The following MKLN1 variants were observed in gnomAD, a reference collection of about 807,000 sequenced individuals.
MKLN1 encodes muskelin.
A neutral mutation model predicts 99.0 loss-of-function variants in MKLN1; 18 were observed. The observed-to-expected ratio is 0.18, with a 90% CI of 0.13 to 0.27. The LOEUF (loss-of-function observed/expected upper bound fraction) is 0.27, where lower values mean the gene tolerates loss of function less well. Among genes scored for constraint, MKLN1 ranks in the 10% least tolerant of loss-of-function variants. MKLN1 has a pLI of 1.00. For missense variants in MKLN1, 621 were observed against 875.9 expected, an observed-to-expected ratio of 0.71 and a Z score of 3.67; for synonymous variants, 288 against 293.2, an observed-to-expected ratio of 0.98 and a Z score of 0.18.
intron 6 of MKLN1, among the ~76,000 whole-genome samples, chr7:131,409,719 T>C (rs998001676): frequency 2.6e-5 from 4 of 152,208 alleles, no homozygotes; most frequent in Non-Finnish European, 4.4e-5. Flanking sequence ...TAAAAGTAAC[T>C]TTATAAATTA....
chr7:131,175,662 G>A (rs1213546586), intron 2 of MKLN1, among the ~76,000 whole-genome samples: 1 of 152,206 alleles, frequency 6.6e-6, no homozygotes, highest in Non-Finnish European at 1.5e-5. Flanking sequence ...AGCACTTTGG[G>A]AGGCCAAGGC....
At chr7:131,348,068 C>T (rs1172667712) in intron 1 of MKLN1, among the ~76,000 whole-genome samples, 1 of 152,060 alleles carries the variant, frequency 6.6e-6, no homozygotes, top group African/African-American at 2.4e-5. Flanking sequence ...AGAGTTATTA[C>T]CTGTAATAAA....
At chr7:131,428,901 A>G (rs1352844276) in intron 8 of MKLN1, 132 bp from the exon 9 acceptor site, 2 of 605,222 alleles carry the variant, frequency 3.3e-6, no homozygotes, top group East Asian at 5.5e-5. Context: ...GAAAGTTACC[A>G]GGTTAAAATT....
intron 12 of MKLN1, among the ~76,000 whole-genome samples, chr7:131,450,975 A>C (rs1796160722): frequency 6.6e-6 from 1 of 152,196 alleles, no homozygotes; most frequent in Non-Finnish European, 1.5e-5. Context: ...AGATCTCCTA[A>C]AAGTCTTTTA....
At chr7:131,435,490 G>C (rs968704678) in intron 9 of MKLN1, among the ~76,000 whole-genome samples, 1 of 151,620 alleles carries the variant, frequency 6.6e-6, no homozygotes, top group Non-Finnish European at 1.5e-5. Context: ...GAAAAATTTT[G>C]TCTAAAACTG....
chr7:131,448,886 C>T (rs546743116), intron 12 of MKLN1, among the ~76,000 whole-genome samples: 140 of 152,302 alleles, frequency 9.2e-4, no homozygotes, highest in South Asian at 6.0e-3. Context: ...TCCTCCTTCC[C>T]TCCCCACTTA....
intron 3 of MKLN1, among the ~76,000 whole-genome samples, chr7:131,235,648 G>T (rs1229950271): frequency 1.3e-5 from 2 of 152,084 alleles, no homozygotes; most frequent in African/African-American, 4.8e-5. Flanking sequence ...ATGTAAATAG[G>T]ACTTCACTGT....
chr7:131,360,368 C>T (rs1403767612), intron 1 of MKLN1, among the ~76,000 whole-genome samples: 1 of 152,068 alleles, frequency 6.6e-6, no homozygotes, highest in African/African-American at 2.4e-5. Context: ...TTTGTTTCTT[C>T]TCTTCCCCTT....
chr7:131,197,025 A>G (rs1489494757), intron 2 of MKLN1, among the ~76,000 whole-genome samples: 1 of 152,156 alleles, frequency 6.6e-6, no homozygotes, highest in Admixed American at 6.6e-5. Context: ...TCTCCTAGGA[A>G]TACTTTTCCA....
intron 8 of MKLN1, 106 bp downstream of exon 8, chr7:131,414,816 C>A: frequency 2.3e-6 from 1 of 441,942 alleles, no homozygotes; most frequent in Non-Finnish European, 4.3e-6. Context: ...GGCTCTTACA[C>A]AAATGAAATT....
At chr7:131,304,188 A>G (rs1053644337) in intron 3 of MKLN1, among the ~76,000 whole-genome samples, 3 of 152,186 alleles carry the variant, frequency 2.0e-5, no homozygotes, top group African/African-American at 7.2e-5. Flanking sequence ...AGCCTGGGCA[A>G]CATAGGAAGA....
chr7:131,384,702 T>A (rs10228513), intron 2 of MKLN1, among the ~76,000 whole-genome samples: 73,744 of 152,032 alleles, frequency 0.49, 18,387 homozygotes, highest in East Asian at 0.68. Context: ...CATCTGTAAA[T>A]TGAGGATGAA....
intron 2 of MKLN1, among the ~76,000 whole-genome samples, chr7:131,181,075 G>A (rs753374853): frequency 6.6e-6 from 1 of 152,114 alleles, no homozygotes; most frequent in Non-Finnish European, 1.5e-5. Context: ...GCAGTTGGAC[G>A]TTTTCCCCTT....
At chr7:131,466,547 T>G in intron 15 of MKLN1, 132 bp downstream of exon 15, 1 of 583,588 alleles carries the variant, frequency 1.7e-6, no homozygotes, top group Non-Finnish European at 2.6e-6. Flanking sequence ...TTCCACTTAT[T>G]TTTGCTTTCG....
intron 3 of MKLN1, among the ~76,000 whole-genome samples, chr7:131,317,175 G>A (rs1040814674): frequency 6.6e-6 from 1 of 151,986 alleles, no homozygotes; most frequent in Non-Finnish European, 1.5e-5. Flanking sequence ...ACATTGAAAC[G>A]AAGGAAAAAA....
chr7:131,290,903 G>T (rs1224813051), intron 3 of MKLN1, among the ~76,000 whole-genome samples: 2 of 152,088 alleles, frequency 1.3e-5, no homozygotes, highest in Non-Finnish European at 2.9e-5. Flanking sequence ...TTATCATCAG[G>T]ATATGGAAAG....
chr7:131,487,806 A>G lies in MKLN1; in HGVS notation c.*78A>G. On this transcript the variant is annotated 3_prime_UTR_variant, in exon 18 of 18. Coordinates refer to ENST00000352689, the MANE Select transcript of MKLN1 (RefSeq NM_013255.5). The surrounding 1 kb of genome is among the most constrained non-coding windows in gnomAD (Gnocchi z 4.7). ...TTGGATTGCAGCTCCACTGACTGAC[A>G]GTAAAGCTGCAGTGATTGAGGACTG... is the stretch of plus-strand genomic sequence containing the variant. The G allele has an allele frequency of 3.9e-6, 6 of 1,527,064 alleles. No homozygotes were observed. The highest frequency in any genetic ancestry group is 5.3e-6 in the Non-Finnish European group (6 of 1,124,056). The allele number at this position is 1,527,064 out of a possible 1,614,324, so 94.6% of individuals were successfully genotyped here.
chr7:131,310,231 A>AG (rs1397707039), intron 3 of MKLN1: 6 of 152,222 alleles, frequency 3.9e-5, no homozygotes, highest in Non-Finnish European at 8.8e-5. Flanking sequence ...ATGCCTCAAA[A>AG]GGGGGTGTGT....
At chr7:131,416,814 C>G (rs192786554) in intron 8 of MKLN1, among the ~76,000 whole-genome samples, 3 of 151,712 alleles carry the variant, frequency 2.0e-5, no homozygotes, top group Non-Finnish European at 4.4e-5. Context: ...AGACCCCCAT[C>G]TCTATAAGAA....
Sources: allele counts gnomAD v4.1 joint callset (sites outside exome capture counted in the v4.1 genomes callset), GRCh38; gene constraint gnomAD v4.1.1; non-coding constraint Gnocchi (gnomAD v3.1); transcripts MANE v1.5; gene names NCBI Gene and HGNC (gene_info 2026-07-23, HGNC 2026-07-21).